GRID2IP: variants seen among roughly 807,000 people sequenced by gnomAD.
GRID2IP encodes the protein Grid2 interacting protein, also known as delphilin.
In GRID2IP, 78 loss-of-function variants were observed where a neutral mutation model predicts 114.3. That is an observed-to-expected ratio of 0.68 (90% CI 0.57 to 0.82). The LOEUF (loss-of-function observed/expected upper bound fraction) is 0.82. Among genes scored for constraint, GRID2IP ranks in the 40% least tolerant of loss-of-function variants. GRID2IP has a pLI of 0.00. For synonymous variants in GRID2IP, 809 were observed against 724.0 expected (o/e 1.12, Z -1.89); for missense variants, 1,727 against 1,678.5 (o/e 1.03, Z -0.51).
At chr7:6,503,247 G>GTGGGGGGC in intron 16 of GRID2IP, 84 bp from the exon 17 acceptor site, 2 of 504,200 alleles carry the variant, frequency 4.0e-6, no homozygotes, top group Non-Finnish European at 7.2e-6. Context: ...GGGAGGGGGG[G>GTGGGGGGC]ATCTGCTGGC....
rs757353129 is a variant in GRID2IP, at chr7:6,536,853, CTT to C, written c.584+2863_584+2864del. 3.8e-6 allele frequency: 2 copies of C among 524,784 alleles called. No homozygotes were observed. Among genetic ancestry groups the C allele is most frequent in the South Asian group, 3.1e-5 (2 of 65,428 alleles). The allele number at this position is 524,784 out of a possible 1,614,324, so 32.5% of individuals were successfully genotyped here. On this transcript the variant is annotated intron_variant, in intron 2 of 21. Transcript: ENST00000457091. The surrounding 1 kb of genome is among the most constrained non-coding windows in gnomAD (Gnocchi z 5.3). ...CACCCCAGGCAGCTCATGGTGGCCT[CTT>C]TCGGTGGTGGTCGCCTATGCTCCGC... is the stretch of plus-strand genomic sequence containing the variant.
At chr7:6,498,548 C>T (rs934680575) in intron 20 of GRID2IP, among the ~76,000 whole-genome samples, 1 of 150,290 alleles carries the variant, frequency 6.7e-6, no homozygotes, top group Non-Finnish European at 1.5e-5. Flanking sequence ...TACAGTAGGC[C>T]CCTCTGTCAC....
At chr7:6,524,116 G>A (rs1779462156) in intron 4 of GRID2IP, among the ~76,000 whole-genome samples, 1 of 152,158 alleles carries the variant, frequency 6.6e-6, no homozygotes, top group Admixed American at 6.6e-5. Context: ...ACACTGAAGT[G>A]CTCTTCCAGG....
chr7:6,536,990 G>A lies in GRID2IP; in HGVS notation c.584+2728C>T, dbSNP rs1779736116. The stretch of plus-strand genomic sequence containing the variant: ...GCCCAGAGGGAGGGGCAGGCTGCGG[G>A]GTGAATGGCAGCAAGGGGAGGGGGC... On this transcript the variant is annotated intron_variant, in intron 2 of 21. Coordinates refer to ENST00000457091, the MANE Select transcript of GRID2IP (RefSeq NM_001145118.2). The surrounding 1 kb of genome is among the most constrained non-coding windows in gnomAD (Gnocchi z 5.3). 4.5e-6 allele frequency: 2 copies of A among 447,802 alleles called. No individual in the cohort carries two copies. The highest frequency in any genetic ancestry group is 4.1e-5 in the East Asian group (1 of 24,424). The allele number at this position is 447,802 out of a possible 1,614,324, so 27.7% of individuals were successfully genotyped here.
At position 6,498,221 on chromosome 7, in the gene GRID2IP, A is replaced by G. The variant is rs1786314417; in HGVS notation, c.3407T>C (p.Leu1136Pro). 1 of 1,543,354 alleles carries G rather than the reference A, an allele frequency of 6.5e-7. No homozygotes were observed. Among genetic ancestry groups the G allele is most frequent in the Non-Finnish European group, 8.7e-7 (1 of 1,144,094 alleles). Residue 1136 changes from leucine (L) to proline (P), a missense_variant, in exon 21 of 22, where the codon CTG becomes CCG. Coordinates refer to ENST00000457091, the MANE Select transcript of GRID2IP (RefSeq NM_001145118.2). ...CCGAAGTGCTGGCTGGGCCGTCTCC[A>G]GGAAGGACTGACAGGCCTCAGTTAA... ...DKFAMVMSSF[L>P]ETAQPALRAL... is the part of the protein sequence containing the mutation.
rs1340087960 is a variant in GRID2IP at position 6,520,780 on chromosome 7, G to A, written c.1085-19C>T. The stretch of plus-strand genomic sequence containing the variant: ...TCGGAGTCTGCTGGGACCACAGGCG[G>A]GAGAGGCATGAGTGACTCAGAGTCC... On this transcript the variant is annotated intron_variant, in intron 6 of 21. Transcript: ENST00000457091. This position sits in a 1 kb window ranked among gnomAD's most constrained non-coding sequence, Gnocchi z 4.6. 5.8e-6 allele frequency: 9 copies of A among 1,543,604 alleles called. No individual in the cohort carries two copies. Among genetic ancestry groups the A allele is most frequent in the Non-Finnish European group, 7.0e-6 (8 of 1,141,362 alleles).
chr7:6,539,495 A>T (rs771009342), intron 2 of GRID2IP, among the ~76,000 whole-genome samples: 1 of 152,036 alleles, frequency 6.6e-6, no homozygotes, highest in Non-Finnish European at 1.5e-5. Context: ...CCCATCACTC[A>T]AGGTGGTACC....
rs891587445 is a variant in GRID2IP at position 6,534,730 on chromosome 7, CAG to C, written c.584+4986_584+4987del. ...ACATTTAACTTTTTTTTTTTTGGAA[CAG>C]AGTCTGGCTCTGTCACCCAGGCTGG... On this transcript the variant is annotated intron_variant, in intron 2 of 21. Coordinates refer to ENST00000457091, the MANE Select transcript of GRID2IP (RefSeq NM_001145118.2). This position sits in a 1 kb window ranked among gnomAD's most constrained non-coding sequence, Gnocchi z 4.5. 2.7e-5 allele frequency among the ~76,000 whole-genome samples: 4 copies of C among 150,856 alleles called. No homozygotes were observed. The highest frequency in any genetic ancestry group is 5.9e-5 in the Non-Finnish European group (4 of 67,832).
In GRID2IP at chr7:6,521,300, G is replaced by A; in HGVS notation, c.1084+129C>T. The A allele has an allele frequency of 3.2e-6, 2 of 631,020 alleles. No individual in the cohort carries two copies. The highest frequency in any genetic ancestry group is 5.5e-6 in the Non-Finnish European group (2 of 364,106). 39.1% of individuals were successfully genotyped at this position (631,020 alleles called of 1,614,324 possible). Reference sequence around the variant, plus strand: ...TGGGGTTCTATAGCACCACTTAGGAGGCAGCCCCGGGGAGGCAAGCTGCAG... The same window carrying A: ...TGGGGTTCTATAGCACCACTTAGGAAGCAGCCCCGGGGAGGCAAGCTGCAG... On this transcript the variant is annotated intron_variant, in intron 6 of 21. Transcript: ENST00000457091. The surrounding 1 kb of genome is among the most constrained non-coding windows in gnomAD (Gnocchi z 4.1).
At chr7:6,531,893 G>A (rs1285788479) in intron 2 of GRID2IP, among the ~76,000 whole-genome samples, 3 of 152,230 alleles carry the variant, frequency 2.0e-5, no homozygotes, top group Non-Finnish European at 2.9e-5. Flanking sequence ...AAACACAGAG[G>A]AGGTGGAGTG....
chr7:6,503,916 T>C (rs1381168533), intron 15 of GRID2IP, among the ~76,000 whole-genome samples: 2 of 125,452 alleles, frequency 1.6e-5, no homozygotes, highest in East Asian at 4.5e-4. Flanking sequence ...TGGCCTGGGC[T>C]AAGGGGAAGA....
chr7:6,549,763 A>C (rs2115104821), intron 1 of GRID2IP, among the ~76,000 whole-genome samples: 1 of 150,672 alleles, frequency 6.6e-6, no homozygotes, highest in East Asian at 2.0e-4. Context: ...CTGGCACCAC[A>C]GGCGCGCGCC....
At position 6,520,431 on chromosome 7, in the gene GRID2IP, G is replaced by C. The variant is rs1779390423; in HGVS notation, c.1268+147C>G. The C allele has an allele frequency of 1.1e-6, 1 of 872,582 alleles. No homozygotes were observed. The highest frequency in any genetic ancestry group is 2.7e-5 in the East Asian group (1 of 37,230). The allele number at this position is 872,582 out of a possible 1,614,324, so 54.1% of individuals were successfully genotyped here. A position where few individuals can be genotyped will look rare whatever the true frequency, so the allele number is the denominator to read the frequency against. ...GGCAGCTCAATTGCCCACCACCCTG[G>C]GGCCCCTGATACCAGCAGCCACCTT... On this transcript the variant is annotated intron_variant, in intron 7 of 21. Transcript: ENST00000457091. This position sits in a 1 kb window ranked among gnomAD's most constrained non-coding sequence, Gnocchi z 4.6.
chr7:6,501,412 C>T (rs1166676471), intron 20 of GRID2IP, among the ~76,000 whole-genome samples: 1 of 151,998 alleles, frequency 6.6e-6, no homozygotes, highest in Non-Finnish European at 1.5e-5. Context: ...ATTTATAATC[C>T]AGGATGGGAC....
chr7:6,549,510 C>G (rs1338313523), intron 1 of GRID2IP, among the ~76,000 whole-genome samples: 1 of 152,232 alleles, frequency 6.6e-6, no homozygotes, highest in Non-Finnish European at 1.5e-5. Flanking sequence ...TGAAGCCAAA[C>G]TAGGGCCTCC....
In GRID2IP at chr7:6,536,825, A is replaced by C; in HGVS notation, c.584+2893T>G. 1.5e-6 allele frequency: 1 copy of C among 656,616 alleles called. No individual in the cohort carries two copies. Among genetic ancestry groups the C allele is most frequent in the Non-Finnish European group, 2.8e-6 (1 of 360,244 alleles). The allele number at this position is 656,616 out of a possible 1,614,324, so 40.7% of individuals were successfully genotyped here. On this transcript the variant is annotated intron_variant, in intron 2 of 21. Transcript: ENST00000457091. The surrounding 1 kb of genome is among the most constrained non-coding windows in gnomAD (Gnocchi z 5.3). ...TCTCCTAGCAAGGGGCTCACCCCTT[A>C]CTCACCCCAGGCAGCTCATGGTGGC...
chr7:6,537,693 C>A (rs973324739), intron 2 of GRID2IP, among the ~76,000 whole-genome samples: 3 of 150,610 alleles, frequency 2.0e-5, no homozygotes, highest in Non-Finnish European at 3.0e-5. Flanking sequence ...CTCGTCTTTC[C>A]TAAAAATACA....
chr7:6,551,413 G>T lies in GRID2IP; in HGVS notation c.24C>A (p.Ala8=). The T allele has an allele frequency of 6.5e-7, 1 of 1,544,916 alleles. No individual in the cohort carries two copies. The highest frequency in any genetic ancestry group is 8.7e-7 in the Non-Finnish European group (1 of 1,144,222). The change falls in exon 1 of 22, where the codon GCC becomes GCA. Residue 8 remains alanine (A), a synonymous_variant. Coordinates refer to ENST00000457091, the MANE Select transcript of GRID2IP (RefSeq NM_001145118.2). The part of the protein sequence containing the change: MATTATP[A]TNQGWPEDFG... ...AGTCCTCTGGCCAGCCCTGGTTCGTGGCCGGCGTGGCAGTGGTGGCCATGC... is the reference window on the plus strand; with the variant it reads ...AGTCCTCTGGCCAGCCCTGGTTCGTTGCCGGCGTGGCAGTGGTGGCCATGC...
At position 6,521,536 on chromosome 7, in the gene GRID2IP, G is replaced by A. The variant is rs1583344661; in HGVS notation, c.990-13C>T. On this transcript the variant is annotated splice_polypyrimidine_tract_variant and intron_variant, in intron 5 of 21. Coordinates refer to ENST00000457091, the MANE Select transcript of GRID2IP (RefSeq NM_001145118.2). This position sits in a 1 kb window ranked among gnomAD's most constrained non-coding sequence, Gnocchi z 4.1. Reference sequence around the variant, plus strand: ...GTGGGAGCAGTTCCTGCCAAGCAGAGATGGCCCAGGAGGGCCTGACTGGGG... The same window carrying A: ...GTGGGAGCAGTTCCTGCCAAGCAGAAATGGCCCAGGAGGGCCTGACTGGGG... The A allele has an allele frequency of 6.5e-7, 1 of 1,533,524 alleles. No individual in the cohort carries two copies. The highest frequency in any genetic ancestry group is 2.0e-5 in the Admixed American group (1 of 49,432). The allele number at this position is 1,533,524 out of a possible 1,614,324, so 95.0% of individuals were successfully genotyped here.
Sources: allele counts gnomAD v4.1 joint callset (sites outside exome capture counted in the v4.1 genomes callset), GRCh38; gene constraint gnomAD v4.1.1; non-coding constraint Gnocchi (gnomAD v3.1); transcripts MANE v1.5; gene names NCBI Gene and HGNC (gene_info 2026-07-23, HGNC 2026-07-21).